Variants in SH2D4A observed in about 807,000 individuals in gnomAD.
The protein encoded by SH2D4A is SH2 domain containing 4A.
SH2D4A carries 70 observed loss-of-function variants against 64.7 expected under a neutral mutation model. That is an observed-to-expected ratio of 1.08 (90% CI 0.89 to 1.32). The LOEUF (loss-of-function observed/expected upper bound fraction) is 1.32, where lower values mean the gene tolerates loss of function less well. Among genes scored for constraint, SH2D4A ranks in the 40% most tolerant of loss-of-function variants. SH2D4A has a pLI of 0.00. For synonymous variants in SH2D4A, 268 were observed against 200.7 expected, an observed-to-expected ratio of 1.34 and a Z score of -2.83; for missense variants, 706 against 540.1, an observed-to-expected ratio of 1.31 and a Z score of -3.04.
At chr8:19,318,196 G>A (rs1260543917) in intron 1 of SH2D4A, among the ~76,000 whole-genome samples, 1 of 152,080 alleles carries the variant, frequency 6.6e-6, no homozygotes, top group Non-Finnish European at 1.5e-5. Context: ...GAGCCACCCC[G>A]CCTGGCCTAT....
chr8:19,363,405 T>C (rs1230680928), intron 6 of SH2D4A, among the ~76,000 whole-genome samples: 1 of 152,122 alleles, frequency 6.6e-6, no homozygotes, highest in East Asian at 1.9e-4. Flanking sequence ...GACACACAAA[T>C]ACTCTTGTGT....
chr8:19,336,622 A>G (rs2052450417), intron 4 of SH2D4A, among the ~76,000 whole-genome samples: 1 of 152,212 alleles, frequency 6.6e-6, no homozygotes. Context: ...AGGCCGAGGC[A>G]GGAGGATCCC....
rs148878204 is a variant in SH2D4A at position 19,316,201 on chromosome 8, G to A, written c.-205+2378G>A. The stretch of plus-strand genomic sequence containing the variant: ...ACGGCCTGACCACAGATAGTTGTCG[G>A]CTGGGTCCCCCAAGTATTCTTGGAG... On this transcript the variant is annotated intron_variant, in intron 1 of 9. Coordinates refer to ENST00000265807, the MANE Select transcript of SH2D4A (RefSeq NM_022071.4). 4.0e-3 allele frequency among the ~76,000 whole-genome samples: 607 copies of A among 152,328 alleles called. 3 individuals carry two copies. The highest frequency in any genetic ancestry group is 0.014 in the African/African-American group (584 of 41,574).
At chr8:19,374,277 T>A (rs994766448) in intron 8 of SH2D4A, among the ~76,000 whole-genome samples, 5 of 152,156 alleles carry the variant, frequency 3.3e-5, no homozygotes, top group African/African-American at 4.8e-5. Flanking sequence ...GAAACTTGAT[T>A]CAAGCCCCTC....
intron 2 of SH2D4A, among the ~76,000 whole-genome samples, chr8:19,320,623 CAAAAAAA>C (rs57328086): frequency 2.9e-5 from 2 of 68,858 alleles, no homozygotes; most frequent in South Asian, 7.8e-4. Context: ...GACTGTGTGT[CAAAAAAA>C]AAAAAAAAAA....
At chr8:19,362,065 A>T (rs1465143228) in intron 6 of SH2D4A, among the ~76,000 whole-genome samples, 1 of 152,264 alleles carries the variant, frequency 6.6e-6, no homozygotes, top group African/African-American at 2.4e-5. Context: ...TGACTCAGAG[A>T]AATCTGAACT....
In SH2D4A at chr8:19,395,962, G is replaced by C. The variant is rs1467187009; in HGVS notation, c.*1320G>C. 1 of 152,106 alleles carries C rather than the reference G, an allele frequency of 6.6e-6. No individual in the cohort carries two copies. The highest frequency in any genetic ancestry group is 2.4e-5 in the African/African-American group (1 of 41,424). The allele number at this position is 152,106 out of a possible 1,614,324, so 9.4% of individuals were successfully genotyped here. A position where few individuals can be genotyped will look rare whatever the true frequency, so the allele number is the denominator to read the frequency against. The stretch of plus-strand genomic sequence containing the variant: ...ATAATGAAGTAGAAATGGGAGGTAA[G>C]AAAAACATTCCAGCCAGTTCTGTTT... On this transcript the variant is annotated 3_prime_UTR_variant, in exon 10 of 10. Transcript: ENST00000265807.
rs183477281 is a variant in SH2D4A at position 19,333,429 on chromosome 8, G to C, written c.341+315G>C. On this transcript the variant is annotated intron_variant, in intron 3 of 9. Coordinates refer to ENST00000265807, the MANE Select transcript of SH2D4A (RefSeq NM_022071.4). ...CATTCCAGTTTTGATCTGTATGAGT[G>C]TATGAGTTCCCCAGTGATCACCCGT... 2.6e-5 allele frequency among the ~76,000 whole-genome samples: 4 copies of C among 152,254 alleles called. No homozygotes were observed. In the East Asian group the frequency reaches 7.7e-4, roughly 29 times the overall value.
chr8:19,324,775 G>A (rs890812840), intron 2 of SH2D4A, among the ~76,000 whole-genome samples: 1 of 152,156 alleles, frequency 6.6e-6, no homozygotes, highest in Non-Finnish European at 1.5e-5. Context: ...CTTAGAGCTA[G>A]GAAAATGCAC....
At chr8:19,341,681 A>G (rs2052531227) in intron 4 of SH2D4A, among the ~76,000 whole-genome samples, 1 of 152,036 alleles carries the variant, frequency 6.6e-6, no homozygotes, top group Non-Finnish European at 1.5e-5. Flanking sequence ...TGTCTCTATA[A>G]AAAACACAAA....
At position 19,361,217 on chromosome 8, in the gene SH2D4A, G is replaced by A; in HGVS notation, c.609G>A (p.Met203Ile). Residue 203 changes from methionine to isoleucine, a missense_variant, in exon 6 of 10, where the codon ATG (methionine) becomes ATA (isoleucine). Transcript: ENST00000265807. ...AYAFHQKKESMKKKQDEEINQ... is the reference protein window; with the variant it reads ...AYAFHQKKESIKKKQDEEINQ... ...TTTTTAAACAGAAGAAAGAATCTAT[G>A]AAGAAAAAACAAGATGAAGAAATAA... 6.6e-7 allele frequency: 1 copy of A among 1,517,546 alleles called. No homozygotes were observed. Among genetic ancestry groups the A allele is most frequent in the Non-Finnish European group, 9.1e-7 (1 of 1,103,246 alleles). The allele number at this position is 1,517,546 out of a possible 1,614,324, so 94.0% of individuals were successfully genotyped here.
At chr8:19,364,997 T>G (rs1050901693) in intron 7 of SH2D4A, among the ~76,000 whole-genome samples, 5 of 152,238 alleles carry the variant, frequency 3.3e-5, no homozygotes, top group African/African-American at 1.2e-4. Flanking sequence ...TTATTGATCT[T>G]ATTTTTAACA....
intron 2 of SH2D4A, among the ~76,000 whole-genome samples, chr8:19,329,057 C>A (rs770843075): frequency 6.6e-6 from 1 of 152,164 alleles, no homozygotes; most frequent in Admixed American, 6.5e-5. Context: ...GTGCCCCTCT[C>A]GGCCCTGGTG....
chr8:19,370,372 T>C (rs183380838), intron 7 of SH2D4A, among the ~76,000 whole-genome samples: 1 of 152,058 alleles, frequency 6.6e-6, no homozygotes, highest in Non-Finnish European at 1.5e-5. Flanking sequence ...ATTGCAGTCT[T>C]TCTATGTAGG....
intron 8 of SH2D4A, among the ~76,000 whole-genome samples, chr8:19,392,261 G>C (rs559977974): frequency 2.5e-4 from 38 of 152,286 alleles, no homozygotes; most frequent in Non-Finnish European, 4.9e-4. Flanking sequence ...TGCCAGTGTA[G>C]TGTCATTTAG....
At chr8:19,363,792 G>A (rs2052934088) in intron 6 of SH2D4A, 2 of 439,052 alleles carry the variant, frequency 4.6e-6, no homozygotes, top group Admixed American at 3.7e-5. Context: ...GGAAATTCTT[G>A]CACACTTTCT....
chr8:19,373,805 A>G, intron 8 of SH2D4A, 145 bp downstream of exon 8: 1 of 1,145,208 alleles, frequency 8.7e-7, no homozygotes, highest in South Asian at 1.9e-5. Flanking sequence ...CAGTTTTTCA[A>G]AGACGCCTCA....
At chr8:19,358,173 A>G (rs770535446) in intron 5 of SH2D4A, among the ~76,000 whole-genome samples, 1 of 152,214 alleles carries the variant, frequency 6.6e-6, no homozygotes, top group Non-Finnish European at 1.5e-5. Context: ...AGATCTCACT[A>G]TGTCATTTTA....
intron 2 of SH2D4A, among the ~76,000 whole-genome samples, chr8:19,331,305 A>G (rs1032861306): frequency 2.0e-5 from 3 of 152,168 alleles, no homozygotes; most frequent in Admixed American, 6.5e-5. Context: ...CCCAGTGTGG[A>G]TGTTTTGCTC....
Sources: gnomAD v4.1 joint callset for allele counts (sites outside exome capture counted in the v4.1 genomes callset) on GRCh38, gnomAD v4.1.1 for gene constraint, MANE v1.5 for transcripts, NCBI Gene and HGNC (gene_info 2026-07-23, HGNC 2026-07-21) for gene names.